MCEE: variants seen among roughly 807,000 people sequenced by gnomAD.
The protein encoded by MCEE is methylmalonyl-CoA epimerase, also known as methylmalonyl-CoA epimerase, mitochondrial.
In MCEE, 6 loss-of-function variants were observed where a neutral mutation model predicts 12.9. The observed-to-expected ratio is 0.47, with a 90% confidence interval of 0.26 to 0.92. MCEE has a LOEUF of 0.92. MCEE is among the 40% of genes least tolerant of loss of function. The pLI, the probability that MCEE is intolerant of heterozygous loss-of-function variation, is 0.16. For synonymous variants in MCEE, 78 were observed against 77.9 expected, an observed-to-expected ratio of 1.00 and a Z score of -0.01; for missense variants, 214 against 212.1, an observed-to-expected ratio of 1.01 and a Z score of -0.05.
At chr2:71,124,164 A>G in intron 2 of MCEE, 42 bp downstream of exon 2, 1 of 1,455,680 alleles carries the variant, frequency 6.9e-7, no homozygotes, top group Non-Finnish European at 9.6e-7. Context: ...CATTTTTTAA[A>G]AGAGAGATTT....
At position 71,112,433 on chromosome 2, in the gene MCEE, C is replaced by CTTTTTT. The variant is rs71400979; in HGVS notation, c.379-2317_379-2312dup. Among the ~76,000 whole-genome samples the CTTTTTT allele has an allele frequency of 8.6e-5, 7 of 81,204 alleles. 1 individual carries two copies. The highest frequency in any genetic ancestry group is 2.1e-4 in the African/African-American group (4 of 19,454). 53.3% of individuals were successfully genotyped at this position (81,204 alleles called of 152,430 possible). On this transcript the variant is annotated intron_variant, in intron 2 of 2. Coordinates refer to ENST00000244217, the MANE Select transcript of MCEE (RefSeq NM_032601.4). ...TACAGGCGTGAGCCACTGCACCTGC[C>CTTTTTT]TTTTTTTTTTTTTTTTTTTTGAGAC...
chr2:71,114,508 T>C (rs1672953422), intron 2 of MCEE, among the ~76,000 whole-genome samples: 1 of 152,256 alleles, frequency 6.6e-6, no homozygotes, highest in East Asian at 1.9e-4. Context: ...CAAACTATTA[T>C]AAGATGTTCA....
chr2:71,125,212 T>TATATATATATATA (rs1553440375), intron 1 of MCEE, among the ~76,000 whole-genome samples: 8 of 33,592 alleles, frequency 2.4e-4, no homozygotes, highest in Non-Finnish European at 4.3e-4. Flanking sequence ...TATATATATA[T>TATATATATATATA]TTTTTTTTTT....
chr2:71,111,885 T>C (rs1672891627), intron 2 of MCEE, among the ~76,000 whole-genome samples: 1 of 152,212 alleles, frequency 6.6e-6, no homozygotes, highest in Non-Finnish European at 1.5e-5. Context: ...ATTCCTGTGC[T>C]GCCTGATGTC....
chr2:71,119,930 G>A (rs1403113999), intron 2 of MCEE, among the ~76,000 whole-genome samples: 5 of 149,564 alleles, frequency 3.3e-5, no homozygotes, highest in African/African-American at 5.1e-5. Flanking sequence ...TGTGCTGCCT[G>A]TAGCCGTAGC....
At chr2:71,121,631 A>G (rs746572671) in intron 2 of MCEE, among the ~76,000 whole-genome samples, 1 of 151,426 alleles carries the variant, frequency 6.6e-6, no homozygotes. Context: ...ACTAAATCAC[A>G]TAGCTGAACT....
chr2:71,115,981 T>A (rs1391465086), intron 2 of MCEE, among the ~76,000 whole-genome samples: 2 of 150,274 alleles, frequency 1.3e-5, no homozygotes, highest in African/African-American at 2.5e-5. Flanking sequence ...AGGGGGGGGT[T>A]ATGGTTTTTT....
intron 1 of MCEE, among the ~76,000 whole-genome samples, chr2:71,126,076 C>T (rs987939088): frequency 1.3e-4 from 20 of 152,012 alleles, no homozygotes; most frequent in African/African-American, 4.8e-4. Context: ...CATGTTGCTC[C>T]TGGGCTCAAG....
rs570592554 is a variant in MCEE, at chr2:71,119,753, T to C, written c.378+4453A>G. On this transcript the variant is annotated intron_variant, in intron 2 of 2. Coordinates refer to ENST00000244217, the MANE Select transcript of MCEE (RefSeq NM_032601.4). Reference sequence around the variant, plus strand: ...AACAATCAGGAAAATACAAAGATACTAATCAGATAGAATTGTGCGGCTGAG... The same window carrying C: ...AACAATCAGGAAAATACAAAGATACCAATCAGATAGAATTGTGCGGCTGAG... 6.1e-4 allele frequency among the ~76,000 whole-genome samples: 91 copies of C among 150,390 alleles called. 9 individuals carry two copies. The highest frequency in any genetic ancestry group is 2.2e-3 in the African/African-American group (86 of 39,786).
chr2:71,119,958 T>A (rs1572889238), intron 2 of MCEE, among the ~76,000 whole-genome samples: 1 of 148,838 alleles, frequency 6.7e-6, no homozygotes, highest in Non-Finnish European at 1.5e-5. Flanking sequence ...GAGGCTGAGG[T>A]AGGAGGGTCG....
chr2:71,125,188 AATATATAT>A lies in MCEE; in HGVS notation c.41-653_41-646del, dbSNP rs67615436. ...GTGTGTATGTGTGTGTATATATATAAATATATATATATATATATATATATTTTTTTTTT... is the reference window on the plus strand; with the variant it reads ...GTGTGTATGTGTGTGTATATATATAAATATATATATATATATTTTTTTTTT... On this transcript the variant is annotated intron_variant, in intron 1 of 2. Coordinates refer to ENST00000244217, the MANE Select transcript of MCEE (RefSeq NM_032601.4). Among the ~76,000 whole-genome samples the A allele has an allele frequency of 2.7e-3, 180 of 65,698 alleles. 6 individuals are homozygous for A. Among genetic ancestry groups the A allele is most frequent in the African/African-American group, 7.7e-3 (171 of 22,280 alleles). 43.1% of individuals were successfully genotyped at this position (65,698 alleles called of 152,430 possible). A position where few individuals can be genotyped will look rare whatever the true frequency, so the allele number is the denominator to read the frequency against.
intron 1 of MCEE, chr2:71,129,629 CA>C (rs1348158171): frequency 1.3e-5 from 2 of 153,868 alleles, no homozygotes; most frequent in African/African-American, 4.8e-5. Context: ...AGAAAGTTTC[CA>C]AATCCACATG....
intron 2 of MCEE, among the ~76,000 whole-genome samples, chr2:71,122,582 A>G (rs1673120502): frequency 6.6e-6 from 1 of 152,196 alleles, no homozygotes; most frequent in South Asian, 2.1e-4. Context: ...GCAGCAGGCA[A>G]AGAGAGACAG....
chr2:71,112,123 A>G (rs1672897221), intron 2 of MCEE, among the ~76,000 whole-genome samples: 1 of 152,056 alleles, frequency 6.6e-6, no homozygotes, highest in Non-Finnish European at 1.5e-5. Flanking sequence ...CAGTTTGACT[A>G]TGGTGTGCTT....
chr2:71,112,059 A>G (rs141508775), intron 2 of MCEE, among the ~76,000 whole-genome samples: 187 of 152,216 alleles, frequency 1.2e-3, no homozygotes, highest in African/African-American at 4.3e-3. Context: ...TCATTCTATA[A>G]TATGTCTTTT....
At position 71,109,687 on chromosome 2, in the gene MCEE, T is replaced by C. The variant is rs949483743; in HGVS notation, c.*283A>G. On this transcript the variant is annotated 3_prime_UTR_variant, in exon 3 of 3. Coordinates refer to ENST00000244217, the MANE Select transcript of MCEE (RefSeq NM_032601.4). Reference sequence around the variant, plus strand: ...CACATTACATTCAATTACCCCATTGTAGAAGAGGAATAATTTATTTCTATA... The same window carrying C: ...CACATTACATTCAATTACCCCATTGCAGAAGAGGAATAATTTATTTCTATA... 4.5e-6 allele frequency: 1 copy of C among 221,110 alleles called. No homozygotes were observed. Among genetic ancestry groups the C allele is most frequent in the East Asian group, 1.2e-4 (1 of 8,644 alleles). The allele number at this position is 221,110 out of a possible 1,614,324, so 13.7% of individuals were successfully genotyped here. A position where few individuals can be genotyped will look rare whatever the true frequency, so the allele number is the denominator to read the frequency against.
At chr2:71,114,503 T>C (rs1672953129) in intron 2 of MCEE, among the ~76,000 whole-genome samples, 1 of 152,262 alleles carries the variant, frequency 6.6e-6, no homozygotes, top group Admixed American at 6.5e-5. Context: ...TGTATCAAAC[T>C]ATTATAAGAT....
intron 2 of MCEE, among the ~76,000 whole-genome samples, chr2:71,122,154 C>T (rs1673111897): frequency 6.6e-6 from 1 of 152,108 alleles, no homozygotes; most frequent in South Asian, 2.1e-4. Flanking sequence ...GAGACAGGGT[C>T]TCGCTCTTTC....
chr2:71,124,119 G>T, intron 2 of MCEE, 87 bp downstream of exon 2: 1 of 985,776 alleles, frequency 1.0e-6, no homozygotes, highest in South Asian at 1.4e-5. Flanking sequence ...AGTTTCTAAT[G>T]ACAGTGACCA....
Sources: allele counts gnomAD v4.1 joint callset (sites outside exome capture counted in the v4.1 genomes callset), GRCh38; gene constraint gnomAD v4.1.1; transcripts MANE v1.5; gene names NCBI Gene and HGNC (gene_info 2026-07-23, HGNC 2026-07-21).